The following EHMT1 variants were observed in gnomAD, a reference collection of about 807,000 sequenced individuals.
The protein encoded by EHMT1 is histone-lysine N-methyltransferase EHMT1.
Under a neutral mutation model 147.2 loss-of-function variants are expected in EHMT1, and 15 were observed. The observed-to-expected ratio is 0.10, with a 90% confidence interval of 0.07 to 0.16. EHMT1 has a LOEUF of 0.16. EHMT1 is among the 10% of genes least tolerant of loss of function. The pLI is 1.00. For synonymous variants in EHMT1, 795 were observed against 709.6 expected (o/e 1.12, Z -1.91); for missense variants, 1,587 against 1,772.4 (o/e 0.90, Z 1.88).
At chr9:137,670,923 C>T (rs1041684211) in intron 1 of EHMT1, among the ~76,000 whole-genome samples, 3 of 152,226 alleles carry the variant, frequency 2.0e-5, no homozygotes, top group African/African-American at 7.2e-5. Flanking sequence ...TGCTGCCCTA[C>T]CTCCTGTGGC....
chr9:137,834,677 C>T lies in EHMT1; in HGVS notation c.3717-96C>T, dbSNP rs948699099. Reference sequence around the variant, plus strand: ...CGACCTGGGATGCGGCACGGCAGATCGGGGTGAGGAAGCTTTGGCCTTGCC... The same window carrying T: ...CGACCTGGGATGCGGCACGGCAGATTGGGGTGAGGAAGCTTTGGCCTTGCC... On this transcript the variant is annotated intron_variant, in intron 26 of 26. Coordinates refer to ENST00000460843, the MANE Select transcript of EHMT1 (RefSeq NM_024757.5). The T allele has an allele frequency of 6.9e-6, 11 of 1,600,148 alleles. No homozygotes were observed. The Admixed American group carries it at 1.0e-4, about 15-fold the overall frequency.
chr9:137,730,236 A>G (rs543554452), intron 4 of EHMT1, among the ~76,000 whole-genome samples: 44 of 152,316 alleles, frequency 2.9e-4, no homozygotes, highest in African/African-American at 8.4e-4. Context: ...TCTTGCAGGG[A>G]GAGACCCTAA....
chr9:137,711,213 T>C (rs1944686502), intron 2 of EHMT1, among the ~76,000 whole-genome samples, 183 bp downstream of exon 2: 1 of 152,216 alleles, frequency 6.6e-6, no homozygotes. Context: ...ACAAAAGCTC[T>C]GCCAGAGAAG....
At chr9:137,752,545 G>A (rs948808310) in intron 7 of EHMT1, 137 bp downstream of exon 7, 2 of 978,898 alleles carry the variant, frequency 2.0e-6, no homozygotes, top group Non-Finnish European at 3.1e-6. Context: ...CATGGTGATG[G>A]CCACAGATGG....
chr9:137,829,801 G>A (rs1211333662), intron 25 of EHMT1, among the ~76,000 whole-genome samples: 5 of 152,238 alleles, frequency 3.3e-5, no homozygotes, highest in African/African-American at 1.2e-4. Context: ...GGGAGGAAGG[G>A]CTGAGGTTTG....
chr9:137,714,260 G>A (rs1057335163), intron 2 of EHMT1, among the ~76,000 whole-genome samples: 2 of 152,202 alleles, frequency 1.3e-5, no homozygotes, highest in African/African-American at 4.8e-5. Context: ...TAAGTGTGAT[G>A]TTAGCTGTAG....
chr9:137,721,164 TTC>T (rs1386709403), intron 3 of EHMT1, among the ~76,000 whole-genome samples: 2 of 145,228 alleles, frequency 1.4e-5, no homozygotes, highest in Non-Finnish European at 3.0e-5. Flanking sequence ...CCTCCCAGAC[TTC>T]TCACACTCAC....
At chr9:137,750,118 T>TA (rs1948851352) in intron 6 of EHMT1, among the ~76,000 whole-genome samples, 1 of 152,210 alleles carries the variant, frequency 6.6e-6, no homozygotes, top group African/African-American at 2.4e-5. Context: ...CAAAACCTAT[T>TA]ACAGCTCCTA....
rs1947222566 is a variant in EHMT1, at chr9:137,732,741, A to G, written c.823+4212A>G. On this transcript the variant is annotated intron_variant, in intron 4 of 26. Coordinates refer to ENST00000460843, the MANE Select transcript of EHMT1 (RefSeq NM_024757.5). This position sits in a 1 kb window ranked among gnomAD's most constrained non-coding sequence, Gnocchi z 4.6. ...CAGGTTTCACCGGGGACCTGCTCCT[A>G]TCTGCCTAGGAATTTGTCTGCCATT... Among the ~76,000 whole-genome samples the G allele has an allele frequency of 6.6e-6, 1 of 152,162 alleles. No individual in the cohort carries two copies. The highest frequency in any genetic ancestry group is 2.1e-4 in the South Asian group (1 of 4,820).
chr9:137,806,580 C>T (rs901301442), intron 18 of EHMT1, among the ~76,000 whole-genome samples: 12 of 151,486 alleles, frequency 7.9e-5, no homozygotes, highest in Non-Finnish European at 1.6e-4. Flanking sequence ...GGATTATAGG[C>T]GCTGGCCACC....
intron 18 of EHMT1, among the ~76,000 whole-genome samples, chr9:137,809,285 G>A (rs1379411107): frequency 6.6e-6 from 1 of 152,246 alleles, no homozygotes; most frequent in Non-Finnish European, 1.5e-5. Flanking sequence ...GGTTGACGGT[G>A]CTGCACGGTG....
At chr9:137,803,326 C>T (rs1205678397) in intron 18 of EHMT1, 14 of 987,180 alleles carry the variant, frequency 1.4e-5, no homozygotes, top group Admixed American at 6.1e-5. Context: ...TGAGCCCAGT[C>T]CTCCCTCATG....
intron 7 of EHMT1, 115 bp from the exon 8 acceptor site, chr9:137,754,056 T>C (rs1430218092): frequency 6.5e-7 from 1 of 1,546,870 alleles, no homozygotes; most frequent in African/African-American, 1.4e-5. Context: ...CACCGTTTAA[T>C]TGAAGATCAA....
At position 137,829,400 on chromosome 9, in the gene EHMT1, G is replaced by T. The variant is rs114563565; in HGVS notation, c.3541-4949G>T. Among the ~76,000 whole-genome samples, 231 of 152,332 alleles carry T rather than the reference G, an allele frequency of 1.5e-3. 1 individual carries two copies. Among genetic ancestry groups the T allele is most frequent in the African/African-American group, 5.1e-3 (211 of 41,568 alleles). Reference sequence around the variant, plus strand: ...GACTCCTATTCCCCCACTTGGACTTGATGGTTGTTAGTATCTTGCTTTATT... The same window carrying T: ...GACTCCTATTCCCCCACTTGGACTTTATGGTTGTTAGTATCTTGCTTTATT... On this transcript the variant is annotated intron_variant, in intron 25 of 26. Coordinates refer to ENST00000460843, the MANE Select transcript of EHMT1 (RefSeq NM_024757.5).
At position 137,782,557 on chromosome 9, in the gene EHMT1, G is replaced by C. The variant is rs1257059620; in HGVS notation, c.2382+160G>C. ...TTTCTGCCCCCGAGTCCTGCAGGTG[G>C]ATCAGTGCTTCCCGCTGTTTCTTCC... On this transcript the variant is annotated intron_variant, in intron 15 of 26. Coordinates refer to ENST00000460843, the MANE Select transcript of EHMT1 (RefSeq NM_024757.5). The surrounding 1 kb of genome is among the most constrained non-coding windows in gnomAD (Gnocchi z 5.7). Among the ~76,000 whole-genome samples, 1 of 152,176 alleles carries C rather than the reference G, an allele frequency of 6.6e-6. No individual in the cohort carries two copies. The highest frequency in any genetic ancestry group is 1.5e-5 in the Non-Finnish European group (1 of 68,032).
chr9:137,787,364 G>A lies in EHMT1; in HGVS notation c.2383-3484G>A, dbSNP rs902149623. Among the ~76,000 whole-genome samples the A allele has an allele frequency of 1.3e-5, 2 of 149,376 alleles. No individual in the cohort carries two copies. Among genetic ancestry groups the A allele is most frequent in the Admixed American group, 6.6e-5 (1 of 15,096 alleles). ...CTGCCATTCGGTGACGGCTGGTGAC[G>A]GATGGATGGGTAGTGGGCTGAGAAG... On this transcript the variant is annotated intron_variant, in intron 15 of 26. Transcript: ENST00000460843. This position sits in a 1 kb window ranked among gnomAD's most constrained non-coding sequence, Gnocchi z 4.2.
intron 1 of EHMT1, among the ~76,000 whole-genome samples, chr9:137,670,673 A>C (rs1048574877): frequency 1.3e-5 from 2 of 152,136 alleles, no homozygotes; most frequent in Non-Finnish European, 2.9e-5. Context: ...ATATCAGCCC[A>C]GGGAACCAGT....
At chr9:137,763,958 A>G (rs1950039476) in intron 10 of EHMT1, 1 of 152,638 alleles carries the variant, frequency 6.6e-6, no homozygotes, top group Middle Eastern at 3.4e-3. Flanking sequence ...AGTTTCGCCC[A>G]TGGCCCTCAC....
rs559688917 is a variant in EHMT1 at position 137,829,825 on chromosome 9, C to T, written c.3541-4524C>T. 5.9e-5 allele frequency among the ~76,000 whole-genome samples: 9 copies of T among 152,354 alleles called. No homozygotes were observed. In the East Asian group the frequency reaches 9.6e-4, roughly 16 times the overall value. ...GGCTGAGGTTTGGCGACACTCACACCGGGGCTGCTGTGTCCCATAGGGAGC... is the reference window on the plus strand; with the variant it reads ...GGCTGAGGTTTGGCGACACTCACACTGGGGCTGCTGTGTCCCATAGGGAGC... On this transcript the variant is annotated intron_variant, in intron 25 of 26. Transcript: ENST00000460843.
Sources: allele counts gnomAD v4.1 joint callset (sites outside exome capture counted in the v4.1 genomes callset), GRCh38; gene constraint gnomAD v4.1.1; non-coding constraint Gnocchi (gnomAD v3.1); transcripts MANE v1.5; gene names NCBI Gene and HGNC (gene_info 2026-07-23, HGNC 2026-07-21).